Variants in DDX31 observed in about 807,000 individuals in gnomAD.
DDX31 encodes DEAD-box helicase 31.
In DDX31, 70 loss-of-function variants were observed where a neutral mutation model predicts 91.3. The observed-to-expected ratio is 0.77, with a 90% confidence interval of 0.63 to 0.94. The LOEUF (loss-of-function observed/expected upper bound fraction) is 0.94. Ranked by LOEUF, DDX31 falls within the 40% of genes least tolerant of loss-of-function variation. DDX31 has a pLI of 0.00. For synonymous variants in DDX31, 362 were observed against 350.6 expected, an observed-to-expected ratio of 1.03 and a Z score of -0.36; for missense variants, 902 against 925.0, an observed-to-expected ratio of 0.98 and a Z score of 0.32.
intron 17 of DDX31, among the ~76,000 whole-genome samples, chr9:132,620,227 A>G (rs184714154): frequency 3.0e-4 from 45 of 152,214 alleles, no homozygotes; most frequent in Non-Finnish European, 3.4e-4. Flanking sequence ...GAATTCCAAT[A>G]AAGGCCTCAA....
At chr9:132,659,963 A>G (rs1834829076) in intron 4 of DDX31, among the ~76,000 whole-genome samples, 183 bp from the exon 5 acceptor site, 1 of 152,214 alleles carries the variant, frequency 6.6e-6, no homozygotes. Flanking sequence ...ATCAAACCCT[A>G]GTTATATTTT....
chr9:132,604,659 G>A (rs765047826), intron 19 of DDX31, among the ~76,000 whole-genome samples: 3 of 152,034 alleles, frequency 2.0e-5, no homozygotes, highest in Non-Finnish European at 2.9e-5. Flanking sequence ...ACTGAAACAC[G>A]GTCTCCTGGG....
intron 19 of DDX31, among the ~76,000 whole-genome samples, chr9:132,607,747 T>C (rs536765202): frequency 6.6e-6 from 1 of 152,208 alleles, no homozygotes; most frequent in Non-Finnish European, 1.5e-5. Context: ...GGTACAGTGA[T>C]CATAGTTTGC....
chr9:132,662,091 C>T (rs1307284294), intron 3 of DDX31, among the ~76,000 whole-genome samples, 170 bp downstream of exon 3: 1 of 152,154 alleles, frequency 6.6e-6, no homozygotes, highest in Non-Finnish European at 1.5e-5. Context: ...AACCTAAGCA[C>T]CCTTGAACTG....
chr9:132,646,836 A>C lies in DDX31; in HGVS notation c.1190T>G (p.Leu397Arg), dbSNP rs768435814. ...CCACAGTCCCACCTTGCATTTCTGA[A>C]GGATGAAGGCCGCTAGGCAGACAAG... The part of the protein sequence containing the change: ...LRLVCLAAFI[L>R]QKCKFEEDQK... The change falls in exon 12 of 20, where the codon CTT (leucine) becomes CGT (arginine). Residue 397 changes from leucine to arginine, a missense_variant. By Grantham distance (102) the Leu-to-Arg change is moderately radical. Coordinates refer to ENST00000372159, the MANE Select transcript of DDX31 (RefSeq NM_022779.9). 1 of 1,613,964 alleles carries C rather than the reference A, an allele frequency of 6.2e-7. No individual in the cohort carries two copies. The highest frequency in any genetic ancestry group is 8.5e-7 in the Non-Finnish European group (1 of 1,179,928).
intron 17 of DDX31, among the ~76,000 whole-genome samples, chr9:132,618,681 C>G (rs1230825040): frequency 1.3e-5 from 2 of 152,172 alleles, no homozygotes; most frequent in African/African-American, 4.8e-5. Flanking sequence ...TACTTTTCTT[C>G]CTGACCTCTT....
At position 132,594,904 on chromosome 9, in the gene DDX31, C is replaced by T. The variant is rs911833170; in HGVS notation, c.2203G>A (p.Gly735Ser). 25 of 1,614,014 alleles carry T rather than the reference C, an allele frequency of 1.5e-5. No individual in the cohort carries two copies. The highest frequency in any genetic ancestry group is 2.0e-5 in the Non-Finnish European group (24 of 1,180,014). Residue 735 changes from glycine to serine, a missense_variant, in exon 20 of 20, where the codon GGT (glycine) becomes AGT (serine). Gly to Ser is a moderately conservative substitution (Grantham distance 56, BLOSUM62 0). Transcript: ENST00000372159. ...KTLKWRKTQKGVQRDSKTSQK... is the reference protein window; with the variant it reads ...KTLKWRKTQKSVQRDSKTSQK... ...GAAGTCTTGCTGTCCCGCTGTACAC[C>T]TTTTTGGGTTTTTCTCCATTTTAAT...
rs1226185560 is a variant in DDX31 at position 132,625,758 on chromosome 9, G to A, written c.1632-13C>T. The A allele has an allele frequency of 1.9e-6, 3 of 1,610,494 alleles. No individual in the cohort carries two copies. The highest frequency in any genetic ancestry group is 2.5e-6 in the Non-Finnish European group (3 of 1,178,330). ...AATCTCAGAAACGCTGTAAAAGGAA[G>A]GGCACAGCAAGGTAACTTTTTGCTC... On this transcript the variant is annotated splice_polypyrimidine_tract_variant and intron_variant, in intron 16 of 19. Transcript: ENST00000372159.
At chr9:132,615,969 A>G (rs1261057582) in intron 18 of DDX31, among the ~76,000 whole-genome samples, 1 of 152,260 alleles carries the variant, frequency 6.6e-6, no homozygotes, top group Non-Finnish European at 1.5e-5. Flanking sequence ...GGGTTCTGAA[A>G]TGGCATAAAA....
intron 18 of DDX31, among the ~76,000 whole-genome samples, chr9:132,613,639 A>G (rs990088769): frequency 6.6e-6 from 1 of 152,252 alleles, no homozygotes; most frequent in Non-Finnish European, 1.5e-5. Flanking sequence ...GGATGGAGTT[A>G]GCAGAGATGG....
Position 132,662,458 on chromosome 9 carries a change from C to T in DDX31, c.313G>A (p.Asp105Asn). 6.2e-7 allele frequency: 1 copy of T among 1,614,176 alleles called. No homozygotes were observed. Among genetic ancestry groups the T allele is most frequent in the Non-Finnish European group, 8.5e-7 (1 of 1,180,038 alleles). ...KTSSLFKNNP[D>N]IPELHRPVVK... ...ACATACCTGTGGAGTTCTGGAATGTCAGGGTTGTTTTTAAACAGTGATGAA... is the reference window on the plus strand; with the variant it reads ...ACATACCTGTGGAGTTCTGGAATGTTAGGGTTGTTTTTAAACAGTGATGAA... Residue 105 changes from aspartate (D) to asparagine (N), a missense_variant, in exon 2 of 20, where the codon GAC becomes AAC. By Grantham distance (23) the Asp-to-Asn change is conservative (BLOSUM62 1). Transcript: ENST00000372159.
intron 6 of DDX31, 59 bp downstream of exon 6, chr9:132,658,612 C>T: frequency 6.9e-7 from 1 of 1,455,860 alleles, no homozygotes; most frequent in South Asian, 1.2e-5. Flanking sequence ...TGTTATGCTT[C>T]AGTTTGATGG....
chr9:132,604,996 G>A (rs1369709815), intron 19 of DDX31, among the ~76,000 whole-genome samples: 5 of 152,218 alleles, frequency 3.3e-5, no homozygotes, highest in Non-Finnish European at 7.3e-5. Flanking sequence ...ATGCCTTTAT[G>A]TGGGGAAGGA....
chr9:132,643,290 A>G (rs961064256), intron 13 of DDX31, among the ~76,000 whole-genome samples: 37 of 152,232 alleles, frequency 2.4e-4, no homozygotes, highest in African/African-American at 8.9e-4. Flanking sequence ...GCGCATTCTG[A>G]GTGCTCTTCA....
chr9:132,632,279 C>CACACACACACACACACAG (rs1832831093), intron 14 of DDX31, among the ~76,000 whole-genome samples, 188 bp from the exon 15 acceptor site: 1 of 147,476 alleles, frequency 6.8e-6, no homozygotes, highest in South Asian at 2.1e-4. Context: ...CACACACACA[C>CACACACACACACACACAG]ACACACACAC....
At chr9:132,609,351 G>A (rs567506436) in intron 19 of DDX31, among the ~76,000 whole-genome samples, 4 of 152,274 alleles carry the variant, frequency 2.6e-5, no homozygotes, top group African/African-American at 7.2e-5. Flanking sequence ...TGGTCTTGGT[G>A]CCCATCTGCT....
At chr9:132,621,573 G>A (rs775679197) in intron 17 of DDX31, among the ~76,000 whole-genome samples, 31 of 152,218 alleles carry the variant, frequency 2.0e-4, no homozygotes, top group Non-Finnish European at 4.0e-4. Flanking sequence ...CTGGGTGAAG[G>A]AGAGGGGCAC....
intron 14 of DDX31, among the ~76,000 whole-genome samples, chr9:132,636,578 A>G (rs1416104708): frequency 6.6e-6 from 1 of 152,228 alleles, no homozygotes; most frequent in Non-Finnish European, 1.5e-5. Context: ...CGCAACAGTG[A>G]GTGATGAAGG....
chr9:132,629,080 C>A (rs1377035354), intron 16 of DDX31, among the ~76,000 whole-genome samples: 1 of 152,240 alleles, frequency 6.6e-6, no homozygotes, highest in Non-Finnish European at 1.5e-5. Flanking sequence ...CAAAGAGAGG[C>A]CAGCCAGCCT....
Sources: allele counts gnomAD v4.1 joint callset (sites outside exome capture counted in the v4.1 genomes callset), GRCh38; gene constraint gnomAD v4.1.1; transcripts MANE v1.5; gene names NCBI Gene and HGNC (gene_info 2026-07-23, HGNC 2026-07-21).